The following MYO1D variants were observed in gnomAD, a reference collection of about 807,000 sequenced individuals.
MYO1D encodes the protein unconventional myosin-Id.
A neutral mutation model predicts 122.0 loss-of-function variants in MYO1D; 83 were observed. The observed-to-expected ratio is 0.68, with a 90% CI of 0.57 to 0.82. MYO1D has a LOEUF of 0.82. Ranked by LOEUF, MYO1D falls within the 40% of genes least tolerant of loss-of-function variation. The probability of loss-of-function intolerance (pLI) is 0.00; values close to 1 mark genes in which losing one functional copy is unlikely to be tolerated. For missense variants in MYO1D, 1,157 were observed against 1,269.5 expected (o/e 0.91, Z 1.35); for synonymous variants, 464 against 446.9 (o/e 1.04, Z -0.48).
At position 32,732,180 on chromosome 17, in the gene MYO1D, C is replaced by T. The variant is rs548213006; in HGVS notation, c.1746+6073G>A. On this transcript the variant is annotated intron_variant, in intron 14 of 21. Coordinates refer to ENST00000318217, the MANE Select transcript of MYO1D (RefSeq NM_015194.3). ...GTGGGCCTGGAGGCACCCCTTGGCA[C>T]GAACAGTCTGGACTCTGTGGGTGCT... Among the ~76,000 whole-genome samples, 844 of 152,286 alleles carry T rather than the reference C, an allele frequency of 5.5e-3. 8 individuals carry two copies. Among genetic ancestry groups the T allele is most frequent in the African/African-American group, 0.018 (757 of 41,564 alleles).
chr17:32,514,239 CAAAAAAAAAAA>C (rs61570449), intron 21 of MYO1D, among the ~76,000 whole-genome samples: 9 of 60,282 alleles, frequency 1.5e-4, no homozygotes, highest in African/African-American at 2.4e-4. Flanking sequence ...GACTTTGTCT[CAAAAAAAAAAA>C]AAAAAAAAAA....
At chr17:32,719,325 A>G (rs2150990461) in intron 15 of MYO1D, among the ~76,000 whole-genome samples, 1 of 151,202 alleles carries the variant, frequency 6.6e-6, no homozygotes, top group East Asian at 1.9e-4. Flanking sequence ...GACTCCTGCA[A>G]TAGCATCCTT....
chr17:32,731,992 G>A (rs2089645982), intron 14 of MYO1D, among the ~76,000 whole-genome samples: 1 of 152,224 alleles, frequency 6.6e-6, no homozygotes, highest in Non-Finnish European at 1.5e-5. Flanking sequence ...TCTGATTTCA[G>A]AGCAAAGTTG....
intron 14 of MYO1D, among the ~76,000 whole-genome samples, chr17:32,732,793 G>A (rs2150999362): frequency 6.6e-6 from 1 of 152,344 alleles, no homozygotes; most frequent in African/African-American, 2.4e-5. Flanking sequence ...CGTTGTGGGT[G>A]ACGAGGAGTG....
At chr17:32,864,667 A>T (rs994584342) in intron 1 of MYO1D, among the ~76,000 whole-genome samples, 2 of 152,118 alleles carry the variant, frequency 1.3e-5, no homozygotes, top group Non-Finnish European at 2.9e-5. Flanking sequence ...ATTACCAAAA[A>T]CTGGAGTTAT....
intron 1 of MYO1D, among the ~76,000 whole-genome samples, chr17:32,857,247 T>C (rs530418567): frequency 5.3e-5 from 8 of 152,284 alleles, no homozygotes; most frequent in Non-Finnish European, 1.0e-4. Context: ...TGGAATCTAA[T>C]CCTGTCTTCC....
intron 1 of MYO1D, among the ~76,000 whole-genome samples, chr17:32,846,791 G>A (rs999222434): frequency 1.1e-4 from 16 of 152,096 alleles, no homozygotes; most frequent in African/African-American, 3.9e-4. Flanking sequence ...ACCAGCCTGG[G>A]CAACATAGCT....
chr17:32,762,016 C>T (rs779881608), intron 8 of MYO1D, among the ~76,000 whole-genome samples: 17 of 152,042 alleles, frequency 1.1e-4, no homozygotes, highest in Non-Finnish European at 1.5e-4. Context: ...CCCCCCACCT[C>T]GCAGATAAAC....
At chr17:32,643,648 G>A (rs2088239848) in intron 19 of MYO1D, among the ~76,000 whole-genome samples, 1 of 152,062 alleles carries the variant, frequency 6.6e-6, no homozygotes, top group Non-Finnish European at 1.5e-5. Context: ...TTTAGTCTTG[G>A]GAGGGTGTAT....
At chr17:32,721,260 A>C (rs2089507557) in intron 14 of MYO1D, 71 bp from the exon 15 acceptor site, 3 of 1,363,646 alleles carry the variant, frequency 2.2e-6, no homozygotes, top group Non-Finnish European at 2.1e-6. Context: ...CTAACATGTA[A>C]TTAGTGTTAA....
chr17:32,557,136 G>C (rs935180443), intron 21 of MYO1D, among the ~76,000 whole-genome samples: 5 of 114,288 alleles, frequency 4.4e-5, no homozygotes, highest in Non-Finnish European at 7.6e-5. Flanking sequence ...TTTTTTTTTT[G>C]AGATGGTGTT....
At chr17:32,829,028 GACA>G (rs2090749008) in intron 1 of MYO1D, among the ~76,000 whole-genome samples, 1 of 152,164 alleles carries the variant, frequency 6.6e-6, no homozygotes, top group Admixed American at 6.6e-5. Context: ...ATTCCACACA[GACA>G]GGAGAAAATA....
At chr17:32,849,325 A>C (rs1286052407) in intron 1 of MYO1D, among the ~76,000 whole-genome samples, 1 of 149,064 alleles carries the variant, frequency 6.7e-6, no homozygotes, top group Non-Finnish European at 1.5e-5. Flanking sequence ...GTATATACCC[A>C]AAGGACTATA....
intron 16 of MYO1D, among the ~76,000 whole-genome samples, chr17:32,665,001 G>C (rs1162502088): frequency 1.3e-5 from 2 of 151,938 alleles, no homozygotes; most frequent in Admixed American, 6.6e-5. Flanking sequence ...CGCCATACTG[G>C]CCTCCCTGCT....
intron 1 of MYO1D, among the ~76,000 whole-genome samples, chr17:32,872,957 A>T (rs2091195187): frequency 6.6e-6 from 1 of 152,000 alleles, no homozygotes; most frequent in Non-Finnish European, 1.5e-5. Flanking sequence ...CGGCCTCCCA[A>T]AGTGCTGGGA....
At position 32,746,764 on chromosome 17, in the gene MYO1D, C is replaced by T. The variant is rs1186539527; in HGVS notation, c.1539-1479G>A. On this transcript the variant is annotated intron_variant, in intron 12 of 21. Transcript: ENST00000318217. The stretch of plus-strand genomic sequence containing the variant: ...TAAGAAGTGAAGAGGAAGTCTGAGG[C>T]ATTGAATATCCCTCAAAAGGGTTAG... Among the ~76,000 whole-genome samples the T allele has an allele frequency of 2.0e-5, 3 of 152,322 alleles. No individual in the cohort carries two copies. The East Asian group carries it at 5.8e-4, about 29-fold the overall frequency.
chr17:32,675,098 T>G (rs1257034563), intron 16 of MYO1D, among the ~76,000 whole-genome samples: 1 of 152,316 alleles, frequency 6.6e-6, no homozygotes, highest in Admixed American at 6.5e-5. Context: ...CTATGAAGAC[T>G]GTTACTGGTC....
intron 21 of MYO1D, among the ~76,000 whole-genome samples, chr17:32,552,417 C>T (rs1435681379): frequency 1.4e-5 from 2 of 144,928 alleles, no homozygotes; most frequent in African/African-American, 5.2e-5. Flanking sequence ...TCCATCCATC[C>T]ACCCATCCAT....
At chr17:32,848,655 G>A (rs1423279887) in intron 1 of MYO1D, among the ~76,000 whole-genome samples, 5 of 152,080 alleles carry the variant, frequency 3.3e-5, no homozygotes, top group African/African-American at 2.4e-5. Context: ...GATTTAAAAC[G>A]GATTCACTCC....
Sources: gnomAD v4.1 joint callset for allele counts (sites outside exome capture counted in the v4.1 genomes callset) on GRCh38, gnomAD v4.1.1 for gene constraint, MANE v1.5 for transcripts, NCBI Gene and HGNC (gene_info 2026-07-23, HGNC 2026-07-21) for gene names.